The following OXR1 variants were observed in gnomAD, a reference collection of about 807,000 sequenced individuals.
The protein encoded by OXR1 is oxidation resistance protein 1.
In OXR1, 41 loss-of-function variants were observed where a neutral mutation model predicts 104.6. The ratio of observed to expected loss-of-function variants is 0.39; its 90% CI spans 0.31 to 0.51. The LOEUF (loss-of-function observed/expected upper bound fraction) is 0.51. OXR1 is among the 20% of genes least tolerant of loss of function. The pLI, the probability that OXR1 is intolerant of heterozygous loss-of-function variation, is 0.77. For missense variants in OXR1, 955 were observed against 1,031.9 expected (o/e 0.93, Z 1.02); for synonymous variants, 348 against 348.4 (o/e 1.00, Z 0.01).
chr8:106,361,676 T>A (rs921543551), intron 2 of OXR1, among the ~76,000 whole-genome samples: 2 of 152,214 alleles, frequency 1.3e-5, no homozygotes, highest in Non-Finnish European at 2.9e-5. Context: ...TTGGGGATTA[T>A]TGTTTTATAA....
chr8:106,497,596 A>G (rs779469910), intron 2 of OXR1, among the ~76,000 whole-genome samples: 1 of 152,144 alleles, frequency 6.6e-6, no homozygotes, highest in Non-Finnish European at 1.5e-5. Context: ...TTTTGGAAAT[A>G]TTTACTGGAG....
chr8:106,681,513 T>G (rs1001326306), intron 4 of OXR1, among the ~76,000 whole-genome samples: 22 of 152,166 alleles, frequency 1.4e-4, no homozygotes, highest in African/African-American at 5.1e-4. Flanking sequence ...TAAATGCCTC[T>G]TTTTTTATTT....
At chr8:106,455,939 T>C (rs965594396) in intron 2 of OXR1, among the ~76,000 whole-genome samples, 2 of 152,224 alleles carry the variant, frequency 1.3e-5, no homozygotes, top group African/African-American at 4.8e-5. Flanking sequence ...TTCAAAAACT[T>C]TAAAAAATAT....
At chr8:106,425,841 G>A (rs1819096646) in intron 2 of OXR1, among the ~76,000 whole-genome samples, 1 of 152,180 alleles carries the variant, frequency 6.6e-6, no homozygotes, top group Admixed American at 6.5e-5. Flanking sequence ...CATGGGGTAG[G>A]TTATTGGATT....
At chr8:106,378,874 T>A (rs1453111824) in intron 2 of OXR1, among the ~76,000 whole-genome samples, 1 of 152,194 alleles carries the variant, frequency 6.6e-6, no homozygotes, top group Non-Finnish European at 1.5e-5. Context: ...TCTTACTGTA[T>A]ATTTCAAATT....
intron 1 of OXR1, among the ~76,000 whole-genome samples, chr8:106,284,833 T>C (rs1812428033): frequency 6.6e-6 from 1 of 152,194 alleles, no homozygotes; most frequent in South Asian, 2.1e-4. Context: ...CTGTTAAAAT[T>C]ATTCAGCTGT....
intron 3 of OXR1, among the ~76,000 whole-genome samples, chr8:106,611,587 T>G (rs1017472962): frequency 6.6e-6 from 1 of 152,186 alleles, no homozygotes; most frequent in African/African-American, 2.4e-5. Context: ...AGAAGGGTGA[T>G]GTCAGAAAGG....
At chr8:106,537,787 G>A (rs1814655758) in intron 3 of OXR1, among the ~76,000 whole-genome samples, 1 of 152,146 alleles carries the variant, frequency 6.6e-6, no homozygotes, top group Admixed American at 6.5e-5. Flanking sequence ...GACGTAGATA[G>A]GTTCAGGGTT....
At chr8:106,632,718 G>A (rs1822795162) in intron 3 of OXR1, among the ~76,000 whole-genome samples, 1 of 152,122 alleles carries the variant, frequency 6.6e-6, no homozygotes, top group African/African-American at 2.4e-5. Flanking sequence ...TAAATAGTAT[G>A]ATTCAAAATA....
intron 3 of OXR1, among the ~76,000 whole-genome samples, chr8:106,532,581 G>A (rs571562480): frequency 6.6e-6 from 1 of 152,238 alleles, no homozygotes; most frequent in South Asian, 2.1e-4. Flanking sequence ...AAAATAAAGA[G>A]GAGTAACAAG....
intron 1 of OXR1, among the ~76,000 whole-genome samples, chr8:106,303,359 T>C (rs1563705951): frequency 6.8e-6 from 1 of 146,528 alleles, no homozygotes; most frequent in Non-Finnish European, 1.5e-5. Flanking sequence ...GGTCACACCA[T>C]TCTCCTGCCT....
intron 1 of OXR1, among the ~76,000 whole-genome samples, chr8:106,316,001 G>A (rs923538911): frequency 6.6e-6 from 1 of 152,192 alleles, no homozygotes; most frequent in African/African-American, 2.4e-5. Flanking sequence ...CTATAGGTTA[G>A]ACCATTTAGA....
Position 106,739,516 on chromosome 8 carries a change from A to G in OXR1, c.2096A>G (p.Glu699Gly), listed in dbSNP as rs1834729172. 2.5e-6 allele frequency: 4 copies of G among 1,612,680 alleles called. No homozygotes were observed. Among genetic ancestry groups the G allele is most frequent in the Non-Finnish European group, 3.4e-6 (4 of 1,178,966 alleles). Residue 699 changes from glutamate (E) to glycine (G), a missense_variant, in exon 13 of 17, where the codon GAG becomes GGG. Glu to Gly is a moderately conservative substitution (Grantham distance 98). Coordinates refer to ENST00000517566, the MANE Select transcript of OXR1 (RefSeq NM_001198533.2). ...KQVATVKADLESESFRPNLSD... is the reference protein window; with the variant it reads ...KQVATVKADLGSESFRPNLSD... Reference sequence around the variant, plus strand: ...GTTGCTACAGTGAAAGCAGACCTGGAGTCTGAATCTTTTCGACCAAACCTA... The same window carrying G: ...GTTGCTACAGTGAAAGCAGACCTGGGGTCTGAATCTTTTCGACCAAACCTA...
chr8:106,275,900 A>G lies in OXR1; in HGVS notation c.-139+5533A>G, dbSNP rs757153269. Among the ~76,000 whole-genome samples, 36 of 152,350 alleles carry G rather than the reference A, an allele frequency of 2.4e-4. 1 individual carries two copies. The Middle Eastern group carries it at 0.024, about 101-fold the overall frequency. ...CTTATAATTGTTAAAGATAAGTAAT[A>G]GCAATGCAGGAAAAAGGCAACCTTG... On this transcript the variant is annotated intron_variant, in intron 1 of 16. Coordinates refer to ENST00000517566, the MANE Select transcript of OXR1 (RefSeq NM_001198533.2).
intron 3 of OXR1, among the ~76,000 whole-genome samples, chr8:106,545,108 G>A (rs7010840): frequency 0.69 from 104,596 of 151,912 alleles, 36,173 homozygotes; most frequent in Admixed American, 0.76. Flanking sequence ...CAACAGCACT[G>A]CTCCCAGTTG....
chr8:106,747,721 G>A (rs1015497046), intron 16 of OXR1, among the ~76,000 whole-genome samples: 4 of 152,166 alleles, frequency 2.6e-5, no homozygotes, highest in Admixed American at 1.3e-4. Flanking sequence ...GTCCTAAAAT[G>A]AATATACAAA....
rs150635980 is a variant in OXR1 at position 106,606,726 on chromosome 8, G to A, written c.221-72484G>A. Reference sequence around the variant, plus strand: ...AGTATAATTTCCCATCTCACAGTCAGCTGCAACCTTAATTCCATCTGCGTC... The same window carrying A: ...AGTATAATTTCCCATCTCACAGTCAACTGCAACCTTAATTCCATCTGCGTC... On this transcript the variant is annotated intron_variant, in intron 3 of 16. Coordinates refer to ENST00000517566, the MANE Select transcript of OXR1 (RefSeq NM_001198533.2). Among the ~76,000 whole-genome samples the A allele has an allele frequency of 1.8e-3, 281 of 152,136 alleles. 2 individuals carry two copies. The highest frequency in any genetic ancestry group is 6.4e-3 in the African/African-American group (264 of 41,488).
In OXR1 at chr8:106,679,244, T is replaced by G. The variant is rs1306760065; in HGVS notation, c.255T>G (p.Asp85Glu). The change falls in exon 4 of 17, where the codon GAT becomes GAG. Residue 85 changes from aspartate (D) to glutamate (E), a missense_variant. Physicochemically the swap from Asp to Glu is conservative, Grantham distance 45. This residue lies in a region of OXR1 where 849 missense variants were observed against 852.9 expected (regional missense o/e 1.00). Coordinates refer to ENST00000517566, the MANE Select transcript of OXR1 (RefSeq NM_001198533.2). ...AAAAGAAGACCCTAGACAAGAAAGA[T>G]GGAAGACGAATGTCTTTTCAGAAAC... ...TGQKKTLDKK[D>E]GRRMSFQKPK... The G allele has an allele frequency of 6.2e-7, 1 of 1,610,656 alleles. No individual in the cohort carries two copies. Among genetic ancestry groups the G allele is most frequent in the Middle Eastern group, 1.7e-4 (1 of 6,052 alleles).
chr8:106,287,777 T>G (rs1812561514), intron 1 of OXR1, among the ~76,000 whole-genome samples: 1 of 152,230 alleles, frequency 6.6e-6, no homozygotes, highest in African/African-American at 2.4e-5. Context: ...TTCTGACCTT[T>G]GTATCTATAA....
Sources: allele counts gnomAD v4.1 joint callset (sites outside exome capture counted in the v4.1 genomes callset), GRCh38; gene constraint gnomAD v4.1.1; regional missense constraint gnomAD v4.1.1; transcripts MANE v1.5; gene names NCBI Gene and HGNC (gene_info 2026-07-23, HGNC 2026-07-21).